PALM2AKAP2: variants seen among roughly 807,000 people sequenced by gnomAD.
PALM2AKAP2 encodes PALM2 and AKAP2 fusion.
PALM2AKAP2 carries 37 observed loss-of-function variants against 71.5 expected under a neutral mutation model. The observed-to-expected ratio is 0.52, with a 90% CI of 0.40 to 0.68. The LOEUF (loss-of-function observed/expected upper bound fraction) is 0.68. Among genes scored for constraint, PALM2AKAP2 ranks in the 30% least tolerant of loss-of-function variants. The probability of loss-of-function intolerance (pLI) is 0.00; values close to 1 mark genes in which losing one functional copy is unlikely to be tolerated. For missense variants in PALM2AKAP2, 1,224 were observed against 1,191.8 expected (o/e 1.03, Z -0.40); for synonymous variants, 468 against 478.8 (o/e 0.98, Z 0.29).
At chr9:110,003,852 C>T (rs898600551) in intron 6 of PALM2AKAP2, among the ~76,000 whole-genome samples, 13 of 152,120 alleles carry the variant, frequency 8.5e-5, no homozygotes, top group African/African-American at 2.9e-4. Context: ...GGATTGCAAC[C>T]CCTGCCTTTT....
At chr9:109,701,599 T>C (rs1828058773) in intron 1 of PALM2AKAP2, among the ~76,000 whole-genome samples, 1 of 152,170 alleles carries the variant, frequency 6.6e-6, no homozygotes, top group African/African-American at 2.4e-5. Flanking sequence ...TAATTCAAGA[T>C]GGATTGAAGA....
At chr9:109,828,284 A>G (rs1828209197) in intron 1 of PALM2AKAP2, among the ~76,000 whole-genome samples, 1 of 152,172 alleles carries the variant, frequency 6.6e-6, no homozygotes, top group South Asian at 2.1e-4. Context: ...GTCCCAATTA[A>G]TAAGGAGATG....
intron 3 of PALM2AKAP2, among the ~76,000 whole-genome samples, chr9:109,921,826 C>A (rs1830837757): frequency 6.6e-6 from 1 of 152,144 alleles, no homozygotes. Flanking sequence ...AGCTGTAGGA[C>A]TTCTACTTTT....
At chr9:110,131,683 G>C (rs1835738450) in intron 1 of PALM2AKAP2, among the ~76,000 whole-genome samples, 1 of 152,188 alleles carries the variant, frequency 6.6e-6, no homozygotes, top group South Asian at 2.1e-4. Context: ...GCTGACAGTG[G>C]AACTCAGGAA....
chr9:109,916,097 C>T (rs572754483), intron 3 of PALM2AKAP2, among the ~76,000 whole-genome samples: 2 of 152,314 alleles, frequency 1.3e-5, no homozygotes, highest in East Asian at 3.9e-4. Flanking sequence ...GCACCTGCCA[C>T]CATGCCCAGC....
At chr9:109,931,129 A>G (rs1194713236) in intron 5 of PALM2AKAP2, among the ~76,000 whole-genome samples, 1 of 152,056 alleles carries the variant, frequency 6.6e-6, no homozygotes, top group East Asian at 1.9e-4. Context: ...GTGTACCCAG[A>G]TTTGTCTTGT....
At chr9:110,002,444 T>A (rs146538956) in intron 6 of PALM2AKAP2, among the ~76,000 whole-genome samples, 7 of 151,932 alleles carry the variant, frequency 4.6e-5, no homozygotes, top group African/African-American at 1.7e-4. Context: ...AGTATTCTAT[T>A]GAGGATTTTT....
rs1828943384 is a variant in PALM2AKAP2, at chr9:109,755,323, C to T, written c.6-25165C>T. On this transcript the variant is annotated intron_variant, in intron 1 of 6. Coordinates refer to the PALM2AKAP2 transcript ENST00000374531. ...CAGTTCCTCTTTCCTCACCTCCCAC[C>T]ACTCCCCCTCCATTCATGTTGTTCC... 2.0e-5 allele frequency among the ~76,000 whole-genome samples: 3 copies of T among 152,056 alleles called. No individual in the cohort carries two copies. In the South Asian group the frequency reaches 6.2e-4, roughly 32 times the overall value.
chr9:109,983,115 A>T (rs1316662424), intron 6 of PALM2AKAP2, among the ~76,000 whole-genome samples: 1 of 152,192 alleles, frequency 6.6e-6, no homozygotes, highest in Admixed American at 6.5e-5. Flanking sequence ...TGGGTGAGAA[A>T]AGGGTTTTCT....
intron 1 of PALM2AKAP2, among the ~76,000 whole-genome samples, chr9:109,758,658 G>A (rs756254140): frequency 6.6e-6 from 1 of 151,890 alleles, no homozygotes; most frequent in Admixed American, 6.6e-5. Context: ...CAAAGAAGTG[G>A]TAGTTTATTT....
intron 6 of PALM2AKAP2, chr9:109,943,976 G>A (rs1007581182): frequency 6.5e-6 from 1 of 153,682 alleles, no homozygotes. Flanking sequence ...CCTTACATAA[G>A]CTTCCAGATT....
At chr9:109,726,047 G>A (rs534452418) in intron 1 of PALM2AKAP2, among the ~76,000 whole-genome samples, 1 of 152,314 alleles carries the variant, frequency 6.6e-6, no homozygotes, top group South Asian at 2.1e-4. Context: ...AGGAGGACTA[G>A]TACCTTTAAC....
intron 1 of PALM2AKAP2, among the ~76,000 whole-genome samples, chr9:110,083,643 T>C (rs1403339002): frequency 1.3e-5 from 2 of 152,182 alleles, no homozygotes; most frequent in East Asian, 3.8e-4. Context: ...AAAATTCCAT[T>C]GGTAGCAAAG....
At chr9:109,966,947 G>A (rs1044654681) in intron 6 of PALM2AKAP2, among the ~76,000 whole-genome samples, 1 of 152,190 alleles carries the variant, frequency 6.6e-6, no homozygotes, top group Admixed American at 6.5e-5. Context: ...GTGTTTCTAG[G>A]ATTGTTCTGG....
chr9:109,649,694 C>T (rs935208371), intron 1 of PALM2AKAP2, among the ~76,000 whole-genome samples: 10 of 152,084 alleles, frequency 6.6e-5, no homozygotes, highest in African/African-American at 2.4e-5. Context: ...TATCCATTTC[C>T]AAATAGAGGT....
chr9:109,998,137 G>T (rs1235759355), intron 6 of PALM2AKAP2, among the ~76,000 whole-genome samples: 1 of 152,194 alleles, frequency 6.6e-6, no homozygotes, highest in Admixed American at 6.5e-5. Flanking sequence ...TTGTGATCAA[G>T]CAAGATGATT....
rs183430692 is a variant in PALM2AKAP2, at chr9:110,048,832, G to C, written c.133G>C (p.Ala45Pro). ...GACTGGAGCAGAACCCCAGGACTGC[G>C]CCCCCGGGAGCGGGCGCCCAGAGGT... is the stretch of plus-strand genomic sequence containing the variant. Residue 45 changes from alanine (A) to proline (P), a missense_variant, in exon 1 of 4, where the codon GCC becomes CCC. By Grantham distance (27) the Ala-to-Pro change is conservative. Coordinates refer to ENST00000374525, the Ensembl canonical transcript of PALM2AKAP2. The C allele has an allele frequency of 1.1e-3, 1,676 of 1,529,506 alleles. 12 individuals are homozygous for C. In the African/African-American group the frequency reaches 0.016, roughly 15 times the overall value. 94.7% of individuals were successfully genotyped at this position (1,529,506 alleles called of 1,614,324 possible).
chr9:110,167,066 G>A (rs1034486531), intron 3 of PALM2AKAP2, among the ~76,000 whole-genome samples: 4 of 152,192 alleles, frequency 2.6e-5, no homozygotes, highest in African/African-American at 4.8e-5. Flanking sequence ...CAGGGGAACT[G>A]CCCTTTATAA....
rs192302695 is a variant in PALM2AKAP2 at position 109,900,153 on chromosome 9, A to G, written c.257+19472A>G. Among the ~76,000 whole-genome samples the G allele has an allele frequency of 2.0e-5, 3 of 152,376 alleles. No homozygotes were observed. In the East Asian group the frequency reaches 5.8e-4, roughly 29 times the overall value. Reference sequence around the variant, plus strand: ...TGTAAGCGTTTCCAGTGGGAAGTTCAGCTTTTGTCTCAATTACTCTGATTG... The same window carrying G: ...TGTAAGCGTTTCCAGTGGGAAGTTCGGCTTTTGTCTCAATTACTCTGATTG... On this transcript the variant is annotated intron_variant, in intron 3 of 9. Transcript: ENST00000302798.
Sources: allele counts gnomAD v4.1 joint callset (sites outside exome capture counted in the v4.1 genomes callset), GRCh38; gene constraint gnomAD v4.1.1; transcripts MANE v1.5; gene names NCBI Gene and HGNC (gene_info 2026-07-23, HGNC 2026-07-21).